MARCHF1: variants seen among roughly 807,000 people sequenced by gnomAD.
MARCHF1 encodes the protein membrane associated ring-CH-type finger 1, also known as E3 ubiquitin-protein ligase MARCHF1.
Under a neutral mutation model 54.2 loss-of-function variants are expected in MARCHF1, and 40 were observed. The ratio of observed to expected loss-of-function variants is 0.74; its 90% CI spans 0.57 to 0.96. The LOEUF is 0.96. Among genes scored for constraint, MARCHF1 ranks in the 40% least tolerant of loss-of-function variants. MARCHF1 has a pLI of 0.00. For missense variants in MARCHF1, 586 were observed against 656.5 expected (o/e 0.89, Z 1.17); for synonymous variants, 236 against 236.3 (o/e 1.00, Z 0.01).
intron 1 of MARCHF1, among the ~76,000 whole-genome samples, chr4:164,136,078 A>T (rs577169759): frequency 2.0e-5 from 3 of 147,978 alleles, no homozygotes; most frequent in Admixed American, 2.0e-4. Flanking sequence ...TCAAATTTCC[A>T]TTTTTTTTTT....
intron 1 of MARCHF1, among the ~76,000 whole-genome samples, chr4:164,325,767 GA>G (rs1735262821): frequency 6.6e-6 from 1 of 151,674 alleles, no homozygotes; most frequent in African/African-American, 2.4e-5. Flanking sequence ...GCTCAAGAAA[GA>G]AAACCTAAAT....
chr4:163,777,869 A>G (rs938234250), intron 4 of MARCHF1, among the ~76,000 whole-genome samples: 1 of 152,154 alleles, frequency 6.6e-6, no homozygotes, highest in Non-Finnish European at 1.5e-5. Flanking sequence ...CACAATAATG[A>G]TTCAGAATAA....
chr4:164,078,240 A>C (rs1232001774), intron 2 of MARCHF1, among the ~76,000 whole-genome samples: 6 of 151,808 alleles, frequency 4.0e-5, no homozygotes, highest in Non-Finnish European at 7.4e-5. Context: ...CAAGGACATG[A>C]AGCTGGAAAT....
intron 5 of MARCHF1, among the ~76,000 whole-genome samples, chr4:163,620,647 A>ACT (rs1741662168): frequency 6.9e-6 from 1 of 143,948 alleles, no homozygotes; most frequent in African/African-American, 2.6e-5. Context: ...AGAGAGAGAG[A>ACT]CACGCACACA....
chr4:164,160,147 T>C (rs1730192639), intron 1 of MARCHF1, among the ~76,000 whole-genome samples: 1 of 152,198 alleles, frequency 6.6e-6, no homozygotes, highest in Non-Finnish European at 1.5e-5. Flanking sequence ...AAATTCGATA[T>C]TTTTATTAGA....
intron 4 of MARCHF1, among the ~76,000 whole-genome samples, chr4:163,737,488 C>T (rs376995770): frequency 0.079 from 6,637 of 84,030 alleles, 551 homozygotes; most frequent in African/African-American, 0.17. Flanking sequence ...GTTCTTGCGA[C>T]AGTTTACTGA....
In MARCHF1 at chr4:163,881,458, C is replaced by T. The variant is rs944565120; in HGVS notation, c.-38-27289G>A. Among the ~76,000 whole-genome samples the T allele has an allele frequency of 3.2e-4, 49 of 151,070 alleles. 1 individual carries two copies. The highest frequency in any genetic ancestry group is 2.8e-3 in the Admixed American group (42 of 15,130). Reference sequence around the variant, plus strand: ...TGCACTCCAGCCTGGGCAACAAGAGCGAGACTCCATCTCAAAAGAAAAAAA... The same window carrying T: ...TGCACTCCAGCCTGGGCAACAAGAGTGAGACTCCATCTCAAAAGAAAAAAA... On this transcript the variant is annotated intron_variant, in intron 3 of 9. Coordinates refer to ENST00000514618, the MANE Select transcript of MARCHF1 (RefSeq NM_001394959.1).
At chr4:164,110,619 T>G (rs1164755507) in intron 2 of MARCHF1, among the ~76,000 whole-genome samples, 1 of 151,682 alleles carries the variant, frequency 6.6e-6, no homozygotes, top group Non-Finnish European at 1.5e-5. Context: ...TTAGATCCTT[T>G]TTTTCATCTA....
intron 4 of MARCHF1, among the ~76,000 whole-genome samples, chr4:163,762,427 T>C (rs1432036254): frequency 6.6e-6 from 1 of 152,094 alleles, no homozygotes; most frequent in Non-Finnish European, 1.5e-5. Context: ...TTTAGAAAAA[T>C]GATCTTTTTT....
chr4:163,780,855 C>A (rs967962937), intron 4 of MARCHF1, among the ~76,000 whole-genome samples: 21 of 152,144 alleles, frequency 1.4e-4, no homozygotes, highest in African/African-American at 4.1e-4. Context: ...CCAGGCCTGG[C>A]CAAAAAGAGT....
intron 2 of MARCHF1, among the ~76,000 whole-genome samples, chr4:164,061,718 CA>C (rs1039193625): frequency 1.3e-5 from 2 of 150,510 alleles, no homozygotes; most frequent in African/African-American, 2.4e-5. Context: ...CAACATAAAC[CA>C]AAAAAAAGAG....
intron 1 of MARCHF1, among the ~76,000 whole-genome samples, chr4:164,313,816 T>C (rs1348882064): frequency 1.3e-5 from 2 of 152,206 alleles, no homozygotes; most frequent in African/African-American, 4.8e-5. Flanking sequence ...GCCTCCTTCC[T>C]TTCCCACATT....
intron 1 of MARCHF1, among the ~76,000 whole-genome samples, chr4:164,225,842 A>T (rs1732238055): frequency 6.6e-6 from 1 of 152,070 alleles, no homozygotes; most frequent in African/African-American, 2.4e-5. Context: ...ACTCATTTAA[A>T]AGATTTCCTA....
chr4:163,866,540 T>G (rs1251956648), intron 3 of MARCHF1, among the ~76,000 whole-genome samples: 2 of 143,890 alleles, frequency 1.4e-5, no homozygotes, highest in Non-Finnish European at 3.1e-5. Context: ...TTATATATTA[T>G]TCAAATATCA....
intron 1 of MARCHF1, among the ~76,000 whole-genome samples, chr4:164,356,453 C>A (rs1578893937): frequency 8.0e-6 from 1 of 124,926 alleles, no homozygotes; most frequent in African/African-American, 2.7e-5. Flanking sequence ...ATGATGAGTT[C>A]ATGTCCTTTG....
intron 7 of MARCHF1, among the ~76,000 whole-genome samples, chr4:163,609,123 G>C (rs867914505): frequency 6.6e-5 from 10 of 151,914 alleles, no homozygotes; most frequent in African/African-American, 1.9e-4. Context: ...TTAGTGTCAG[G>C]CTATGTATAG....
At chr4:163,931,830 C>T (rs1237642506) in intron 3 of MARCHF1, among the ~76,000 whole-genome samples, 1 of 152,224 alleles carries the variant, frequency 6.6e-6, no homozygotes, top group African/African-American at 2.4e-5. Context: ...CTACAGCACA[C>T]TGGCCTACCT....
At chr4:163,707,075 G>A (rs1480656256) in intron 4 of MARCHF1, among the ~76,000 whole-genome samples, 1 of 152,058 alleles carries the variant, frequency 6.6e-6, no homozygotes, top group Non-Finnish European at 1.5e-5. Context: ...CTATCACTTA[G>A]CATATATAAT....
intron 4 of MARCHF1, among the ~76,000 whole-genome samples, chr4:163,792,811 T>C (rs780238131): frequency 6.6e-6 from 1 of 152,146 alleles, no homozygotes; most frequent in Non-Finnish European, 1.5e-5. Context: ...AAAGTTAGAC[T>C]AGGAACCCAG....
Sources: allele counts gnomAD v4.1 joint callset (sites outside exome capture counted in the v4.1 genomes callset), GRCh38; gene constraint gnomAD v4.1.1; transcripts MANE v1.5; gene names NCBI Gene and HGNC (gene_info 2026-07-23, HGNC 2026-07-21).